XYLT1: variants seen among roughly 807,000 people sequenced by gnomAD.
XYLT1 encodes beta-D-xylosyltransferase 1.
Under a neutral mutation model 91.3 loss-of-function variants are expected in XYLT1, and 36 were observed. The observed-to-expected ratio is 0.39, with a 90% CI of 0.30 to 0.52. The LOEUF is 0.52. Ranked by LOEUF, XYLT1 falls within the 20% of genes least tolerant of loss-of-function variation. The pLI, the probability that XYLT1 is intolerant of heterozygous loss-of-function variation, is 0.68. For synonymous variants in XYLT1, 588 were observed against 532.0 expected (o/e 1.11, Z -1.45); for missense variants, 1,242 against 1,284.5 (o/e 0.97, Z 0.51).
At chr16:17,139,647 G>A (rs962537249) in intron 7 of XYLT1, among the ~76,000 whole-genome samples, 1 of 152,156 alleles carries the variant, frequency 6.6e-6, no homozygotes, top group African/African-American at 2.4e-5. Context: ...CAAGCCCAGG[G>A]AGGCATACAT....
intron 6 of XYLT1, among the ~76,000 whole-genome samples, chr16:17,153,213 T>G (rs920282469): frequency 6.6e-6 from 1 of 152,182 alleles, no homozygotes; most frequent in Non-Finnish European, 1.5e-5. Context: ...AACAACTCTA[T>G]GGGATTGGTA....
intron 1 of XYLT1, among the ~76,000 whole-genome samples, chr16:17,447,794 G>A (rs2036612087): frequency 6.6e-6 from 1 of 152,188 alleles, no homozygotes; most frequent in South Asian, 2.1e-4. Context: ...AAGCCTCAAT[G>A]TCCACATTTG....
At chr16:17,114,049 T>C (rs1966847450) in intron 11 of XYLT1, among the ~76,000 whole-genome samples, 1 of 142,270 alleles carries the variant, frequency 7.0e-6, no homozygotes, top group East Asian at 2.1e-4. Flanking sequence ...GGGAGGGTGG[T>C]GCACCCCAAT....
intron 5 of XYLT1, among the ~76,000 whole-genome samples, chr16:17,165,994 T>C (rs1217637958): frequency 6.6e-6 from 1 of 152,050 alleles, no homozygotes. Flanking sequence ...GCCAGGAGCA[T>C]GGGGAGGAAG....
rs541105959 is a variant in XYLT1, at chr16:17,460,848, G to A, written c.363+9586C>T. On this transcript the variant is annotated intron_variant, in intron 1 of 11. Transcript: ENST00000261381. ...TGTGGACAAAATCAAACCCACCCACGGGCCATGGATTTGAAAGTCCTCCTG... is the reference window on the plus strand; with the variant it reads ...TGTGGACAAAATCAAACCCACCCACAGGCCATGGATTTGAAAGTCCTCCTG... 2.6e-5 allele frequency among the ~76,000 whole-genome samples: 4 copies of A among 152,154 alleles called. No homozygotes were observed. In the South Asian group the frequency reaches 8.3e-4, roughly 32 times the overall value.
At chr16:17,116,209 G>A (rs1425398651) in intron 11 of XYLT1, among the ~76,000 whole-genome samples, 1 of 152,074 alleles carries the variant, frequency 6.6e-6, no homozygotes, top group East Asian at 1.9e-4. Flanking sequence ...AGGGGCGGGG[G>A]AAATAGAAGT....
chr16:17,165,439 C>T (rs1217706694), intron 5 of XYLT1, among the ~76,000 whole-genome samples: 1 of 152,028 alleles, frequency 6.6e-6, no homozygotes, highest in Non-Finnish European at 1.5e-5. Flanking sequence ...GTAATCTCAG[C>T]ACTTTGGGAG....
rs890379526 is a variant in XYLT1 at position 17,427,181 on chromosome 16, C to G, written c.363+43253G>C. The stretch of plus-strand genomic sequence containing the variant: ...GCAGCAAGTGGTGAAATCGTGTCCA[C>G]GGAAGAGAAGGGACGATAGCACCAC... On this transcript the variant is annotated intron_variant, in intron 1 of 11. Coordinates refer to ENST00000261381, the MANE Select transcript of XYLT1 (RefSeq NM_022166.4). Among the ~76,000 whole-genome samples the G allele has an allele frequency of 2.0e-5, 3 of 152,316 alleles. No individual in the cohort carries two copies. In the South Asian group the frequency reaches 6.2e-4, roughly 32 times the overall value.
At chr16:17,211,189 G>T (rs1363447416) in intron 3 of XYLT1, among the ~76,000 whole-genome samples, 1 of 152,212 alleles carries the variant, frequency 6.6e-6, no homozygotes, top group African/African-American at 2.4e-5. Flanking sequence ...GGAGGGATGC[G>T]AAGGAAGCTT....
At chr16:17,430,945 T>C (rs1204581798) in intron 1 of XYLT1, among the ~76,000 whole-genome samples, 3 of 152,092 alleles carry the variant, frequency 2.0e-5, no homozygotes, top group Non-Finnish European at 4.4e-5. Context: ...CCAAAATGTA[T>C]AATAAATGCA....
intron 2 of XYLT1, among the ~76,000 whole-genome samples, chr16:17,285,906 G>C (rs1185384005): frequency 1.1e-4 from 14 of 128,478 alleles, no homozygotes; most frequent in African/African-American, 4.1e-4. Flanking sequence ...GTGTGTGTGT[G>C]TGTGTGTGTG....
intron 5 of XYLT1, among the ~76,000 whole-genome samples, chr16:17,190,585 G>A (rs575100959): frequency 2.0e-4 from 30 of 151,908 alleles, no homozygotes; most frequent in African/African-American, 7.2e-4. Context: ...AAGGATGATG[G>A]TTTCCACCTT....
intron 2 of XYLT1, among the ~76,000 whole-genome samples, chr16:17,339,956 A>C (rs756764431): frequency 6.6e-6 from 1 of 151,062 alleles, no homozygotes; most frequent in East Asian, 2.0e-4. Flanking sequence ...CCTCCATCAT[A>C]CATCCATCCA....
intron 1 of XYLT1, among the ~76,000 whole-genome samples, chr16:17,363,475 T>A (rs115989134): frequency 0.011 from 1,667 of 152,322 alleles, 37 homozygotes; most frequent in African/African-American, 0.037. Context: ...ATGGTGGCCT[T>A]CTCACTGTTT....
intron 2 of XYLT1, among the ~76,000 whole-genome samples, chr16:17,317,092 G>A (rs921431565): frequency 2.0e-5 from 3 of 151,930 alleles, no homozygotes; most frequent in Admixed American, 6.5e-5. Flanking sequence ...AAAGTGCTGG[G>A]ATTACAGGCG....
intron 3 of XYLT1, among the ~76,000 whole-genome samples, chr16:17,205,952 G>C (rs1364435070): frequency 6.6e-6 from 1 of 152,168 alleles, no homozygotes; most frequent in Non-Finnish European, 1.5e-5. Context: ...CAGAGACATG[G>C]AAACAAGGTT....
chr16:17,364,064 C>T (rs1461130450), intron 1 of XYLT1, among the ~76,000 whole-genome samples: 2 of 152,142 alleles, frequency 1.3e-5, no homozygotes, highest in African/African-American at 2.4e-5. Context: ...AAGGCCTTAT[C>T]TCCAAATAGT....
chr16:17,438,411 T>C (rs1458124943), intron 1 of XYLT1, among the ~76,000 whole-genome samples: 1 of 152,110 alleles, frequency 6.6e-6, no homozygotes, highest in African/African-American at 2.4e-5. Context: ...GATGTCCTCA[T>C]TGGGGCAACT....
intron 1 of XYLT1, among the ~76,000 whole-genome samples, chr16:17,368,137 C>T (rs1247716880): frequency 1.8e-4 from 28 of 152,108 alleles, no homozygotes; most frequent in Admixed American, 1.8e-3. Context: ...ACACAAACCA[C>T]GGGGGGCGGA....
Sources: gnomAD v4.1 joint callset for allele counts (sites outside exome capture counted in the v4.1 genomes callset) on GRCh38, gnomAD v4.1.1 for gene constraint, MANE v1.5 for transcripts, NCBI Gene and HGNC (gene_info 2026-07-23, HGNC 2026-07-21) for gene names.